The following TSNARE1 variants were observed in gnomAD, a reference collection of about 807,000 sequenced individuals.
The protein encoded by TSNARE1 is t-SNARE domain containing 1, also known as t-SNARE domain-containing protein 1.
Under a neutral mutation model 62.0 loss-of-function variants are expected in TSNARE1, and 49 were observed. The ratio of observed to expected loss-of-function variants is 0.79; its 90% CI spans 0.63 to 1.00. The LOEUF (loss-of-function observed/expected upper bound fraction) is 1.00, where lower values mean the gene tolerates loss of function less well. Ranked by LOEUF, TSNARE1 falls within the 50% of genes least tolerant of loss-of-function variation. The probability of loss-of-function intolerance (pLI) is 0.00; values close to 1 mark genes in which losing one functional copy is unlikely to be tolerated. For synonymous variants in TSNARE1, 328 were observed against 294.4 expected, an observed-to-expected ratio of 1.11 and a Z score of -1.17; for missense variants, 755 against 700.1, an observed-to-expected ratio of 1.08 and a Z score of -0.88.
In TSNARE1 at chr8:142,388,750, G is replaced by A. The variant is rs567177504; in HGVS notation, c.-40+14354C>T. 1.1e-4 allele frequency among the ~76,000 whole-genome samples: 17 copies of A among 152,052 alleles called. No homozygotes were observed. The South Asian group carries it at 3.3e-3, about 30-fold the overall frequency. Reference sequence around the variant, plus strand: ...TTTTTGTATTTTTAGTAGAGACGGGGTTTTGCCATGTTGGCCAGGCTGGTC... The same window carrying A: ...TTTTTGTATTTTTAGTAGAGACGGGATTTTGCCATGTTGGCCAGGCTGGTC... On this transcript the variant is annotated intron_variant, in intron 1 of 13. Transcript: ENST00000524325.
intron 9 of TSNARE1, among the ~76,000 whole-genome samples, chr8:142,301,926 A>G (rs1825852763): frequency 6.6e-6 from 1 of 152,186 alleles, no homozygotes; most frequent in Non-Finnish European, 1.5e-5. Context: ...GCCCTCAGAC[A>G]CACATCAAGG....
intron 13 of TSNARE1, 115 bp from the exon 14 acceptor site, chr8:142,212,428 T>A (rs1411077269): frequency 6.6e-6 from 1 of 152,246 alleles, no homozygotes; most frequent in Non-Finnish European, 1.5e-5. Flanking sequence ...GCTGACAGTG[T>A]CCATGGAGGT....
chr8:142,314,538 T>C (rs1462768604), intron 8 of TSNARE1, 98 bp from the exon 9 acceptor site: 2 of 1,073,978 alleles, frequency 1.9e-6, no homozygotes, highest in Non-Finnish European at 2.7e-6. Context: ...TGGACGACGG[T>C]GCAGCAAAAC....
intron 9 of TSNARE1, among the ~76,000 whole-genome samples, chr8:142,313,745 T>A (rs1016369041): frequency 1.3e-5 from 2 of 152,204 alleles, no homozygotes; most frequent in African/African-American, 4.8e-5. Context: ...ATGTGTGCAT[T>A]TTTCTGTATG....
intron 9 of TSNARE1, among the ~76,000 whole-genome samples, chr8:142,306,087 C>T (rs999977485): frequency 1.3e-5 from 2 of 152,176 alleles, no homozygotes; most frequent in African/African-American, 2.4e-5. Context: ...TTTTCAGGAG[C>T]CCCAGATAGC....
chr8:142,352,068 G>T (rs926876705), intron 2 of TSNARE1, among the ~76,000 whole-genome samples: 3 of 152,244 alleles, frequency 2.0e-5, no homozygotes, highest in African/African-American at 7.2e-5. Context: ...ACTCAACGCT[G>T]CCCTGGCTGA....
At chr8:142,356,311 G>A (rs1040898679) in intron 1 of TSNARE1, among the ~76,000 whole-genome samples, 1 of 152,154 alleles carries the variant, frequency 6.6e-6, no homozygotes, top group African/African-American at 2.4e-5. Flanking sequence ...CTCAGGCCTC[G>A]CATCCCAGGT....
chr8:142,380,720 G>A (rs1411177869), intron 1 of TSNARE1, among the ~76,000 whole-genome samples: 2 of 152,150 alleles, frequency 1.3e-5, no homozygotes, highest in Non-Finnish European at 2.9e-5. Flanking sequence ...TACCCGTAAC[G>A]GAAAAAAGAC....
rs149020570 is a variant in TSNARE1 at position 142,365,602 on chromosome 8, G to GCGCACACACACACACACA, written c.-39-10840_-39-10839insTGTGTGTGTGTGTGTGCG. Among the ~76,000 whole-genome samples, 9 of 144,508 alleles carry GCGCACACACACACACACA rather than the reference G, an allele frequency of 6.2e-5. No individual in the cohort carries two copies. In the East Asian group the frequency reaches 1.4e-3, roughly 23 times the overall value. The allele number at this position is 144,508 out of a possible 152,430, so 94.8% of individuals were successfully genotyped here. On this transcript the variant is annotated intron_variant, in intron 1 of 13. Transcript: ENST00000524325. ...AAACCATCCATAAACACATGCACAC[G>GCGCACACACACACACACA]CACACACACACACACACACACACAC...
At chr8:142,386,780 TATAA>T (rs918954606) in intron 1 of TSNARE1, among the ~76,000 whole-genome samples, 1 of 152,176 alleles carries the variant, frequency 6.6e-6, no homozygotes, top group African/African-American at 2.4e-5. Flanking sequence ...ATGTAATAGT[TATAA>T]ATAGCTACGC....
intron 12 of TSNARE1, among the ~76,000 whole-genome samples, chr8:142,260,996 G>GAA (rs1563786654): frequency 0.016 from 13 of 830 alleles, no homozygotes; most frequent in South Asian, 0.029. Context: ...AGAGAGGGAG[G>GAA]GGGGTGGGGA....
chr8:142,366,966 C>T (rs902487123), intron 1 of TSNARE1, among the ~76,000 whole-genome samples: 1 of 152,200 alleles, frequency 6.6e-6, no homozygotes, highest in African/African-American at 2.4e-5. Flanking sequence ...ACAGCCTTCA[C>T]ATATACAGAA....
rs555891013 is a variant in TSNARE1 at position 142,336,512 on chromosome 8, A to G, written c.746-4681T>C. Among the ~76,000 whole-genome samples the G allele has an allele frequency of 4.6e-5, 7 of 152,332 alleles. No individual in the cohort carries two copies. The South Asian group carries it at 1.4e-3, about 32-fold the overall frequency. On this transcript the variant is annotated intron_variant, in intron 4 of 13. Transcript: ENST00000524325. ...CACTTTCAAAACAGATGGTCAACTG[A>G]CTAAGATAAAACAATTCTAAGTATG...
chr8:142,363,213 G>A lies in TSNARE1; in HGVS notation c.-39-8450C>T, dbSNP rs576201034. On this transcript the variant is annotated intron_variant, in intron 1 of 13. Coordinates refer to ENST00000524325, the MANE Select transcript of TSNARE1 (RefSeq NM_145003.5). ...AGCCATCCCAAGACCATGTGGCCCA[G>A]AGGAAGCAGCAGGGCCTGGTGAGGA... 2.6e-5 allele frequency among the ~76,000 whole-genome samples: 4 copies of A among 152,324 alleles called. No homozygotes were observed. In the South Asian group the frequency reaches 6.2e-4, roughly 24 times the overall value.
intron 12 of TSNARE1, among the ~76,000 whole-genome samples, chr8:142,231,087 C>A (rs748413486): frequency 6.6e-6 from 1 of 152,212 alleles, no homozygotes; most frequent in Non-Finnish European, 1.5e-5. Flanking sequence ...ACCCATCTAT[C>A]CACCCATCCT....
At chr8:142,358,131 C>T (rs1268182526) in intron 1 of TSNARE1, among the ~76,000 whole-genome samples, 2 of 82,958 alleles carry the variant, frequency 2.4e-5, no homozygotes, top group African/African-American at 8.2e-5. Flanking sequence ...CTGCAAAGGG[C>T]GGCAGGGTCT....
chr8:142,277,455 T>G, intron 11 of TSNARE1: 1 of 985,420 alleles, frequency 1.0e-6, no homozygotes, highest in South Asian at 4.7e-5. Context: ...CCTGCAGGCC[T>G]GGCCCTGCCC....
At chr8:142,403,481 C>T (rs1472587941), upstream of TSNARE1, among the ~76,000 whole-genome samples, 3 of 152,094 alleles carry the variant, frequency 2.0e-5, no homozygotes, top group East Asian at 1.9e-4. Flanking sequence ...CGGGAGCGGG[C>T]TCCGCCCAGC....
At position 142,319,088 on chromosome 8, in the gene TSNARE1, T is replaced by G. The variant is rs374774039; in HGVS notation, c.894-454A>C. Among the ~76,000 whole-genome samples, 25 of 151,462 alleles carry G rather than the reference T, an allele frequency of 1.7e-4. No individual in the cohort carries two copies. Among genetic ancestry groups the G allele is most frequent in the Admixed American group, 3.9e-4 (6 of 15,236 alleles). ...CGGCGCAGGTAAGCTCTGGCTGGGG[T>G]GGGTGGCCCAGCCAGAACAGTGGCA... On this transcript the variant is annotated intron_variant, in intron 6 of 13. Transcript: ENST00000524325. The surrounding 1 kb of genome is among the most constrained non-coding windows in gnomAD (Gnocchi z 4.9).
Sources: gnomAD v4.1 joint callset for allele counts (sites outside exome capture counted in the v4.1 genomes callset) on GRCh38, gnomAD v4.1.1 for gene constraint, Gnocchi (gnomAD v3.1) non-coding constraint, MANE v1.5 for transcripts, NCBI Gene and HGNC (gene_info 2026-07-23, HGNC 2026-07-21) for gene names.